The following SPOCK1 variants were observed in gnomAD, a reference collection of about 807,000 sequenced individuals.
SPOCK1 encodes the protein SPARC (osteonectin), cwcv and kazal like domains proteoglycan 1.
SPOCK1 carries 23 observed loss-of-function variants against 55.3 expected under a neutral mutation model. That is an observed-to-expected ratio of 0.42 (90% CI 0.30 to 0.59). The LOEUF is 0.59. SPOCK1 is among the 20% of genes least tolerant of loss of function. The pLI, the probability that SPOCK1 is intolerant of heterozygous loss-of-function variation, is 0.22. For missense variants in SPOCK1, 499 were observed against 552.5 expected, an observed-to-expected ratio of 0.90 and a Z score of 0.97; for synonymous variants, 226 against 221.0, an observed-to-expected ratio of 1.02 and a Z score of -0.20.
chr5:137,327,544 T>C (rs1296410728), intron 2 of SPOCK1, among the ~76,000 whole-genome samples: 1 of 152,222 alleles, frequency 6.6e-6, no homozygotes, highest in Admixed American at 6.5e-5. Flanking sequence ...TCGGTTTTAA[T>C]CTTCCAGAAA....
chr5:137,425,400 C>T (rs1157800640), intron 2 of SPOCK1, among the ~76,000 whole-genome samples: 2 of 152,080 alleles, frequency 1.3e-5, no homozygotes, highest in Admixed American at 1.3e-4. Flanking sequence ...GTCAAACATC[C>T]TCCACAACCT....
In SPOCK1 at chr5:137,421,743, C is replaced by T. The variant is rs1361909190; in HGVS notation, c.186+76630G>A. Among the ~76,000 whole-genome samples, 4 of 152,138 alleles carry T rather than the reference C, an allele frequency of 2.6e-5. No individual in the cohort carries two copies. The East Asian group carries it at 7.7e-4, about 29-fold the overall frequency. The stretch of plus-strand genomic sequence containing the variant: ...TATAGCACACTGATGGGTCTTGACT[C>T]TTTATTCAATTTGCCAGTCTGTGTC... On this transcript the variant is annotated intron_variant, in intron 2 of 10. Transcript: ENST00000394945.
At chr5:137,151,459 A>G in intron 3 of SPOCK1, among the ~76,000 whole-genome samples, 1 of 152,218 alleles carries the variant, frequency 6.6e-6, no homozygotes, top group East Asian at 1.9e-4. Context: ...GCTCTTTGGT[A>G]GAAAAGTTTG....
chr5:137,140,747 A>ATTTTTTT (rs11309240), intron 3 of SPOCK1, 53 bp from the exon 4 acceptor site: 40 of 352,288 alleles, frequency 1.1e-4, no homozygotes, highest in South Asian at 2.5e-4. Flanking sequence ...GGGAAATTTA[A>ATTTTTTT]TTTTTTTTTT....
chr5:136,978,732 C>A lies in SPOCK1; in HGVS notation c.1242G>T (p.Arg414Ser). 6.2e-7 allele frequency: 1 copy of A among 1,614,104 alleles called. No homozygotes were observed. Among genetic ancestry groups the A allele is most frequent in the East Asian group, 2.2e-5 (1 of 44,864 alleles). ...CCTCTGTCACGGCTCGGGTGTGCAC[C>A]CTCAGCTTCCCCTCTTTGTCCTTTG... is the stretch of plus-strand genomic sequence containing the variant. ...LGPKDKEGKL[R>S]VHTRAVTEDD... Residue 414 changes from arginine to serine, a missense_variant, in exon 11 of 11, where the codon AGG becomes AGT. By Grantham distance (110) the Arg-to-Ser change is moderately radical. This residue lies in a region of SPOCK1 where 83 missense variants were observed against 87.5 expected (regional missense o/e 0.95). Coordinates refer to ENST00000394945, the MANE Select transcript of SPOCK1 (RefSeq NM_004598.4).
intron 2 of SPOCK1, among the ~76,000 whole-genome samples, chr5:137,300,329 T>A (rs1757564712): frequency 6.6e-6 from 1 of 152,198 alleles, no homozygotes; most frequent in Non-Finnish European, 1.5e-5. Flanking sequence ...TTGAAGTACT[T>A]GTCTCCTAAT....
chr5:137,429,532 C>A (rs1752701406), intron 2 of SPOCK1, among the ~76,000 whole-genome samples: 1 of 152,198 alleles, frequency 6.6e-6, no homozygotes, highest in Non-Finnish European at 1.5e-5. Context: ...GTACAACGGC[C>A]TCAGAGCCAG....
chr5:137,282,361 T>C (rs1757182356), intron 2 of SPOCK1, among the ~76,000 whole-genome samples: 3 of 152,188 alleles, frequency 2.0e-5, no homozygotes. Context: ...ACTTAAGTAA[T>C]CACATTACTC....
At chr5:137,167,037 T>TA (rs1306889213) in intron 3 of SPOCK1, among the ~76,000 whole-genome samples, 1 of 151,862 alleles carries the variant, frequency 6.6e-6, no homozygotes, top group Non-Finnish European at 1.5e-5. Context: ...TGAATGGATT[T>TA]AAAAAAACAC....
chr5:137,489,217 C>G (rs1484800509), intron 2 of SPOCK1, among the ~76,000 whole-genome samples: 1 of 152,144 alleles, frequency 6.6e-6, no homozygotes, highest in African/African-American at 2.4e-5. Context: ...TAAGTGCATG[C>G]GTGTCTATCT....
At chr5:137,279,926 A>G (rs1403722389) in intron 2 of SPOCK1, among the ~76,000 whole-genome samples, 1 of 152,218 alleles carries the variant, frequency 6.6e-6, no homozygotes, top group Non-Finnish European at 1.5e-5. Context: ...TCCTAAAGAG[A>G]CATGCTGAGA....
intron 9 of SPOCK1, among the ~76,000 whole-genome samples, chr5:136,981,381 T>A (rs1750727028): frequency 6.6e-6 from 1 of 152,238 alleles, no homozygotes; most frequent in Non-Finnish European, 1.5e-5. Context: ...TTGTCTGCTT[T>A]CATCTTATTC....
intron 7 of SPOCK1, among the ~76,000 whole-genome samples, chr5:136,989,271 G>A (rs567200572): frequency 1.3e-5 from 2 of 152,328 alleles, no homozygotes; most frequent in African/African-American, 4.8e-5. Context: ...TTCCCTGGGG[G>A]AGAAGAAGTT....
chr5:136,989,499 G>A (rs971416913), intron 7 of SPOCK1, among the ~76,000 whole-genome samples: 1 of 152,162 alleles, frequency 6.6e-6, no homozygotes, highest in Admixed American at 6.5e-5. Context: ...AATGATAAAA[G>A]TGAACGTCTG....
At chr5:137,181,523 G>A (rs931126121) in intron 3 of SPOCK1, among the ~76,000 whole-genome samples, 2 of 152,214 alleles carry the variant, frequency 1.3e-5, no homozygotes, top group Non-Finnish European at 2.9e-5. Context: ...CAGGGAATGG[G>A]AGAAACAGTC....
chr5:137,423,374 C>T (rs188053639), intron 2 of SPOCK1, among the ~76,000 whole-genome samples: 1 of 152,322 alleles, frequency 6.6e-6, no homozygotes, highest in Non-Finnish European at 1.5e-5. Flanking sequence ...CATGCCCTGC[C>T]CCCAGAGGTG....
At chr5:137,229,808 A>G (rs1403406913) in intron 3 of SPOCK1, among the ~76,000 whole-genome samples, 2 of 152,136 alleles carry the variant, frequency 1.3e-5, no homozygotes, top group Admixed American at 1.3e-4. Context: ...TCTCATAAGG[A>G]GTGCACAACC....
intron 2 of SPOCK1, among the ~76,000 whole-genome samples, chr5:137,371,950 A>G (rs993177078): frequency 6.6e-5 from 10 of 152,234 alleles, no homozygotes; most frequent in African/African-American, 2.4e-4. Flanking sequence ...CCACATATAT[A>G]ATTTGAATTT....
At position 137,112,532 on chromosome 5, in the gene SPOCK1, T is replaced by C. The variant is rs1450133725; in HGVS notation, c.377A>G (p.His126Arg). 1.9e-6 allele frequency: 3 copies of C among 1,613,464 alleles called. No homozygotes were observed. The highest frequency in any genetic ancestry group is 2.5e-6 in the Non-Finnish European group (3 of 1,179,980). ...RQKKGNVAQKHWVGPSNLVKC... is the reference protein window; with the variant it reads ...RQKKGNVAQKRWVGPSNLVKC... Reference sequence around the variant, plus strand: ...GACCAAATTCGAAGGTCCAACCCAGTGTTTCTGGGCCACGTTCCCCTTCTT... The same window carrying C: ...GACCAAATTCGAAGGTCCAACCCAGCGTTTCTGGGCCACGTTCCCCTTCTT... The change falls in exon 5 of 11, where the codon CAC (histidine) becomes CGC (arginine). Residue 126 changes from histidine to arginine, a missense_variant. Transcript: ENST00000394945.
Sources: gnomAD v4.1 joint callset for allele counts (sites outside exome capture counted in the v4.1 genomes callset) on GRCh38, gnomAD v4.1.1 for gene constraint, gnomAD v4.1.1 regional missense constraint, MANE v1.5 for transcripts, NCBI Gene and HGNC (gene_info 2026-07-23, HGNC 2026-07-21) for gene names.